Variants in EYS observed in about 807,000 individuals in gnomAD.
EYS encodes the protein protein eyes shut homolog.
Under a neutral mutation model 282.1 loss-of-function variants are expected in EYS, and 250 were observed. That is an observed-to-expected ratio of 0.89 (90% CI 0.80 to 0.98). The LOEUF is 0.98. Among genes scored for constraint, EYS ranks in the 50% least tolerant of loss-of-function variants. The pLI is 0.00. For missense variants in EYS, 4,016 were observed against 3,709.0 expected (o/e 1.08, Z -2.15); for synonymous variants, 1,355 against 1,282.9 (o/e 1.06, Z -1.20).
intron 1 of EYS, among the ~76,000 whole-genome samples, chr6:65,646,571 T>C (rs187277997): frequency 6.6e-6 from 1 of 152,318 alleles, no homozygotes; most frequent in East Asian, 1.9e-4. Context: ...AACATTATAC[T>C]GCATGGGAAG....
chr6:65,332,381 CT>C lies in EYS; in HGVS notation c.1766+2598del, dbSNP rs765911767. 134 of 1,063,518 alleles carry C rather than the reference CT, an allele frequency of 1.3e-4. 1 individual carries two copies. The highest frequency in any genetic ancestry group is 1.8e-4 in the Admixed American group (9 of 50,182). The allele number at this position is 1,063,518 out of a possible 1,614,324, so 65.9% of individuals were successfully genotyped here. On this transcript the variant is annotated intron_variant, in intron 11 of 42. Coordinates refer to ENST00000503581, the MANE Select transcript of EYS (RefSeq NM_001142800.2). ...GCTGTATAAACCTTTCTATATGTTG[CT>C]GAATTTGGTGTGGTATCACCGTGTT...
chr6:65,319,719 A>ATGAC (rs1769417336), intron 11 of EYS, among the ~76,000 whole-genome samples: 1 of 152,198 alleles, frequency 6.6e-6, no homozygotes, highest in African/African-American at 2.4e-5. Context: ...TGAAAGAGGA[A>ATGAC]TGACGCCGCT....
chr6:65,352,137 A>G (rs1234611271), intron 9 of EYS, among the ~76,000 whole-genome samples: 4 of 151,860 alleles, frequency 2.6e-5, no homozygotes, highest in African/African-American at 7.2e-5. Flanking sequence ...TATTTCTGTC[A>G]CTAAAGGTTG....
chr6:63,747,882 G>A (rs1037368158), intron 41 of EYS, among the ~76,000 whole-genome samples: 1 of 151,664 alleles, frequency 6.6e-6, no homozygotes, highest in African/African-American at 2.4e-5. Flanking sequence ...AGCACACCGA[G>A]GGTTCTTGAC....
At chr6:63,833,679 T>A (rs1355501617) in intron 36 of EYS, among the ~76,000 whole-genome samples, 2 of 152,256 alleles carry the variant, frequency 1.3e-5, no homozygotes, top group East Asian at 3.9e-4. Flanking sequence ...AAGCTACCAA[T>A]GACTTCCTTC....
intron 35 of EYS, among the ~76,000 whole-genome samples, chr6:63,905,248 C>T (rs980905234): frequency 2.7e-5 from 2 of 74,488 alleles, no homozygotes; most frequent in Non-Finnish European, 2.6e-5. Context: ...ACTTTGTTCC[C>T]TTTTATGTGG....
At chr6:65,228,014 G>A (rs1391029808) in intron 12 of EYS, among the ~76,000 whole-genome samples, 3 of 151,986 alleles carry the variant, frequency 2.0e-5, no homozygotes, top group East Asian at 1.9e-4. Flanking sequence ...ACATAACAAC[G>A]TGAATATATT....
chr6:63,807,237 C>A (rs924135712), intron 36 of EYS, among the ~76,000 whole-genome samples: 1 of 152,064 alleles, frequency 6.6e-6, no homozygotes, highest in African/African-American at 2.4e-5. Flanking sequence ...GATGATGTCA[C>A]CAGATTAAGG....
intron 39 of EYS, among the ~76,000 whole-genome samples, chr6:63,783,656 C>T (rs532576160): frequency 1.3e-5 from 2 of 152,276 alleles, no homozygotes; most frequent in African/African-American, 4.8e-5. Flanking sequence ...AGCTCACTCT[C>T]AATGAGTGAG....
intron 8 of EYS, among the ~76,000 whole-genome samples, chr6:65,355,023 T>G (rs926238510): frequency 6.6e-6 from 1 of 152,062 alleles, no homozygotes; most frequent in Non-Finnish European, 1.5e-5. Context: ...TCACTGTCAG[T>G]GGAGATTGTC....
At chr6:64,182,301 C>T (rs1764808632) in intron 31 of EYS, among the ~76,000 whole-genome samples, 1 of 152,048 alleles carries the variant, frequency 6.6e-6, no homozygotes, top group Non-Finnish European at 1.5e-5. Context: ...CTAGTTTTTG[C>T]CTTTTCTTTC....
chr6:64,215,621 A>G (rs1322328912), intron 31 of EYS, among the ~76,000 whole-genome samples: 1 of 152,162 alleles, frequency 6.6e-6, no homozygotes, highest in African/African-American at 2.4e-5. Flanking sequence ...ATACCCAAAT[A>G]GCTAAATGAT....
intron 35 of EYS, among the ~76,000 whole-genome samples, chr6:63,934,162 C>G (rs1021206151): frequency 6.6e-6 from 1 of 152,196 alleles, no homozygotes; most frequent in African/African-American, 2.4e-5. Context: ...CTCATCATCA[C>G]TGGCCATCAG....
intron 33 of EYS, among the ~76,000 whole-genome samples, chr6:64,056,395 A>G (rs1770986063): frequency 6.6e-6 from 1 of 152,126 alleles, no homozygotes; most frequent in Non-Finnish European, 1.5e-5. Context: ...CCTGTTGGTG[A>G]TTTCTGTGCA....
At chr6:63,780,738 A>G (rs1242964405) in intron 39 of EYS, among the ~76,000 whole-genome samples, 1 of 152,074 alleles carries the variant, frequency 6.6e-6, no homozygotes, top group African/African-American at 2.4e-5. Flanking sequence ...GCTGTGCAGA[A>G]GCTCTTTAGT....
intron 26 of EYS, among the ~76,000 whole-genome samples, chr6:64,553,940 G>A (rs1049696480): frequency 6.6e-6 from 1 of 151,906 alleles, no homozygotes; most frequent in African/African-American, 2.4e-5. Flanking sequence ...CAGTGCTTGT[G>A]TTACCTGTTT....
Position 63,984,585 on chromosome 6 carries a change from A to G in EYS, c.6853T>C (p.Phe2285Leu), listed in dbSNP as rs2149792407. 2 of 1,548,770 alleles carry G rather than the reference A, an allele frequency of 1.3e-6. No individual in the cohort carries two copies. The highest frequency in any genetic ancestry group is 2.7e-5 in the African/African-American group (2 of 72,906). ...ACATTTGCAGGAATATGGCCAAGGA[A>G]CATTGATTCAAAATATGCCTGTAGA... is the stretch of plus-strand genomic sequence containing the variant. Reference protein sequence around the residue: ...HASQAYFESMFLGHIPANVQI... With the variant: ...HASQAYFESMLLGHIPANVQI... The change falls in exon 35 of 43, where the codon TTC (phenylalanine) becomes CTC (leucine). Residue 2285 changes from phenylalanine to leucine, a missense_variant. By Grantham distance (22) the Phe-to-Leu change is conservative. Coordinates refer to ENST00000503581, the MANE Select transcript of EYS (RefSeq NM_001142800.2).
intron 35 of EYS, among the ~76,000 whole-genome samples, chr6:63,884,478 C>A (rs1210309176): frequency 6.6e-6 from 1 of 151,780 alleles, no homozygotes; most frequent in African/African-American, 2.4e-5. Flanking sequence ...TGTTACCTAG[C>A]TTGATTTGGG....
chr6:65,338,305 A>G (rs6903178), intron 10 of EYS, among the ~76,000 whole-genome samples: 7,632 of 151,242 alleles, frequency 0.05, 617 homozygotes, highest in African/African-American at 0.17. Flanking sequence ...TCTCAGAAAA[A>G]TTAGCAAGAG....
Sources: allele counts gnomAD v4.1 joint callset (sites outside exome capture counted in the v4.1 genomes callset), GRCh38; gene constraint gnomAD v4.1.1; transcripts MANE v1.5; gene names NCBI Gene and HGNC (gene_info 2026-07-23, HGNC 2026-07-21).